The following SLC25A30 variants were observed in gnomAD, a reference collection of about 807,000 sequenced individuals.
SLC25A30 encodes the protein solute carrier family 25 member 30, also known as kidney mitochondrial carrier protein 1.
A neutral mutation model predicts 42.7 loss-of-function variants in SLC25A30; 29 were observed. That is an observed-to-expected ratio of 0.68 (90% CI 0.51 to 0.93). The LOEUF is 0.93. SLC25A30 is among the 40% of genes least tolerant of loss of function. The pLI, the probability that SLC25A30 is intolerant of heterozygous loss-of-function variation, is 0.00. For missense variants in SLC25A30, 300 were observed against 359.7 expected (o/e 0.83, Z 1.34); for synonymous variants, 124 against 131.0 (o/e 0.95, Z 0.37).
the SLC25A30 span, among the ~76,000 whole-genome samples, chr13:45,424,624 TATAAATATGTATATAAAC>T: frequency 1.7e-3 from 126 of 74,272 alleles, 18 homozygotes; most frequent in African/African-American, 5.9e-3. Context: ...TATAAATATA[TATAAATATGTATATAAAC>T]ATAAATATAT....
intron 3 of SLC25A30, among the ~76,000 whole-genome samples, chr13:45,407,991 GTC>G (rs1485933618): frequency 1.3e-5 from 2 of 152,164 alleles, no homozygotes; most frequent in Non-Finnish European, 2.9e-5. Context: ...AGTGCTCCCT[GTC>G]TCTTAATTCT....
intron 3 of SLC25A30, among the ~76,000 whole-genome samples, 182 bp from the exon 4 acceptor site, chr13:45,406,159 T>C (rs1297625072): frequency 2.0e-5 from 3 of 152,094 alleles, no homozygotes; most frequent in Non-Finnish European, 4.4e-5. Flanking sequence ...CTCAGCTCAC[T>C]GCAACCTCTG....
At chr13:45,426,043 T>TTATATATACATTTTAAATA in the SLC25A30 span, among the ~76,000 whole-genome samples, 1 of 147,878 alleles carries the variant, frequency 6.8e-6, no homozygotes, top group Admixed American at 6.8e-5. Context: ...GTATATATTT[T>TTATATATACATTTTAAATA]TATATATACA....
chr13:45,411,231 C>G (rs971159898), intron 2 of SLC25A30, 131 bp downstream of exon 2: 53 of 759,104 alleles, frequency 7.0e-5, no homozygotes, highest in Admixed American at 1.2e-4. Flanking sequence ...TGAGCCACCA[C>G]ACCCAGCTAA....
upstream of SLC25A30, among the ~76,000 whole-genome samples, chr13:45,422,505 G>T (rs553125090): frequency 6.6e-6 from 1 of 152,066 alleles, no homozygotes; most frequent in Non-Finnish European, 1.5e-5. Context: ...ATATTTTATT[G>T]CAGCGGTTCT....
At chr13:45,405,024 G>A (rs1005480617) in intron 4 of SLC25A30, among the ~76,000 whole-genome samples, 2 of 152,134 alleles carry the variant, frequency 1.3e-5, no homozygotes, top group Non-Finnish European at 2.9e-5. Flanking sequence ...CTGGACTCAG[G>A]TGATCCTCCC....
At chr13:45,425,258 G>T in the SLC25A30 span, among the ~76,000 whole-genome samples, 1 of 99,296 alleles carries the variant, frequency 1.0e-5, no homozygotes, top group Non-Finnish European at 1.8e-5. Context: ...ATATATATAC[G>T]TATATATACG....
At chr13:45,405,853 T>C (rs770426904) in intron 4 of SLC25A30, 30 bp downstream of exon 4, 8 of 1,605,862 alleles carry the variant, frequency 5.0e-6, no homozygotes, top group Non-Finnish European at 6.8e-6. Context: ...CAACCTCCTG[T>C]CCACAGTGGA....
In SLC25A30 at chr13:45,393,776, C is replaced by T. The variant is rs1881118502; in HGVS notation, c.*2198G>A. 1 of 985,254 alleles carries T rather than the reference C, an allele frequency of 1.0e-6. No homozygotes were observed. The highest frequency in any genetic ancestry group is 4.7e-5 in the South Asian group (1 of 21,290). The allele number at this position is 985,254 out of a possible 1,614,324, so 61.0% of individuals were successfully genotyped here. ...CTGTTCAATAAGGCACTTAATAAGT[C>T]TACACTGAAGAAATACTATGCTTTT... On this transcript the variant is annotated 3_prime_UTR_variant, in exon 10 of 10. Coordinates refer to ENST00000519676, the MANE Select transcript of SLC25A30 (RefSeq NM_001010875.4).
chr13:45,424,565 G>A, the SLC25A30 span, among the ~76,000 whole-genome samples: 1,864 of 12,716 alleles, frequency 0.15, 130 homozygotes, highest in Non-Finnish European at 0.16. Flanking sequence ...ATATATAAAT[G>A]TATAAATATA....
chr13:45,425,943 T>G, the SLC25A30 span, among the ~76,000 whole-genome samples: 1 of 147,984 alleles, frequency 6.8e-6, no homozygotes, highest in African/African-American at 2.5e-5. Context: ...TCCACCTGCC[T>G]CAGCCTCCCA....
At chr13:45,405,808 T>C in intron 4 of SLC25A30, 75 bp downstream of exon 4, 2 of 1,382,798 alleles carry the variant, frequency 1.4e-6, no homozygotes, top group South Asian at 2.4e-5. Flanking sequence ...GAAGAAAACC[T>C]GCTCCAAAAC....
chr13:45,405,174 T>G (rs1400312633), intron 4 of SLC25A30, among the ~76,000 whole-genome samples: 1 of 152,188 alleles, frequency 6.6e-6, no homozygotes, highest in African/African-American at 2.4e-5. Context: ...TCTGCCCGCC[T>G]CAGCCTCCCC....
chr13:45,413,866 T>G (rs1005805362), intron 1 of SLC25A30, among the ~76,000 whole-genome samples: 14 of 152,242 alleles, frequency 9.2e-5, no homozygotes, highest in Admixed American at 5.9e-4. Context: ...TAGTTAAGTT[T>G]TAATGAGATT....
the SLC25A30 span, among the ~76,000 whole-genome samples, chr13:45,425,978 C>G: frequency 6.8e-6 from 1 of 147,394 alleles, no homozygotes; most frequent in Non-Finnish European, 1.5e-5. Context: ...CAGGCATGAG[C>G]CACTTCGCCT....
intron 3 of SLC25A30, 98 bp from the exon 4 acceptor site, chr13:45,406,075 A>T: frequency 9.3e-7 from 1 of 1,070,380 alleles, no homozygotes; most frequent in South Asian, 1.4e-5. Context: ...ATCAAACTAC[A>T]TTCTCTAAAA....
intron 2 of SLC25A30, 53 bp downstream of exon 2, chr13:45,411,309 C>T (rs545828204): frequency 2.4e-6 from 3 of 1,273,448 alleles, no homozygotes; most frequent in South Asian, 2.4e-5. Context: ...ACATTCACAT[C>T]AAACACCATC....
At chr13:45,421,569 A>G (rs1883893542), upstream of SLC25A30, among the ~76,000 whole-genome samples, 1 of 152,068 alleles carries the variant, frequency 6.6e-6, no homozygotes, top group Non-Finnish European at 1.5e-5. Flanking sequence ...AGGTAGCAAT[A>G]TGGAAATGAA....
intron 1 of SLC25A30, among the ~76,000 whole-genome samples, chr13:45,417,612 C>A (rs1187165378): frequency 1.3e-5 from 2 of 152,208 alleles, no homozygotes; most frequent in Non-Finnish European, 2.9e-5. Context: ...GGTCACAAAG[C>A]TTCGCAACGG....
Sources: allele counts gnomAD v4.1 joint callset (sites outside exome capture counted in the v4.1 genomes callset), GRCh38; gene constraint gnomAD v4.1.1; transcripts MANE v1.5; gene names NCBI Gene and HGNC (gene_info 2026-07-23, HGNC 2026-07-21).